ARFGEF1: variants seen among roughly 807,000 people sequenced by gnomAD.
ARFGEF1 encodes the protein brefeldin A-inhibited guanine nucleotide-exchange protein 1.
In ARFGEF1, 42 loss-of-function variants were observed where a neutral mutation model predicts 231.0. The ratio of observed to expected loss-of-function variants is 0.18; its 90% CI spans 0.14 to 0.24. ARFGEF1 has a LOEUF of 0.24. Ranked by LOEUF, ARFGEF1 falls within the 10% of genes least tolerant of loss-of-function variation. The pLI is 1.00. For missense variants in ARFGEF1, 1,345 were observed against 2,192.0 expected (o/e 0.61, Z 7.72); for synonymous variants, 710 against 732.3 (o/e 0.97, Z 0.49).
rs763622698 is a variant in ARFGEF1 at position 67,216,627 on chromosome 8, G to A, written c.4649C>T (p.Ala1550Val). 2.2e-5 allele frequency: 35 copies of A among 1,607,474 alleles called. No individual in the cohort carries two copies. Among genetic ancestry groups the A allele is most frequent in the Admixed American group, 5.1e-5 (3 of 58,294 alleles). ...ACTTACAGGAGATGGAGGTGGGGGGGCAGTTTCTCCAGAATTGGGTCGCCA... is the reference window on the plus strand; with the variant it reads ...ACTTACAGGAGATGGAGGTGGGGGGACAGTTTCTCCAGAATTGGGTCGCCA... ...LTWRPNSGET[A>V]PPPPSPVSEK... The change falls in exon 33 of 39, where the codon GCC (alanine) becomes GTC (valine). Residue 1550 changes from alanine to valine, a missense_variant. Ala to Val is a moderately conservative substitution (Grantham distance 64, BLOSUM62 0). This residue lies in a region of ARFGEF1 where 89 missense variants were observed against 74.8 expected (regional missense o/e 1.19). Coordinates refer to ENST00000262215, the MANE Select transcript of ARFGEF1 (RefSeq NM_006421.5).
Position 67,248,549 on chromosome 8 carries a change from T to C in ARFGEF1, c.2850+2750A>G, listed in dbSNP as rs566945965. On this transcript the variant is annotated intron_variant, in intron 19 of 38. Transcript: ENST00000262215. ...ACTATGAAACTACCGTAAGAAAACA[T>C]TGAGGATTCTCTAGGACATTAAGCT... Among the ~76,000 whole-genome samples the C allele has an allele frequency of 9.3e-5, 14 of 150,554 alleles. 2 individuals are homozygous for C. The highest frequency in any genetic ancestry group is 3.2e-4 in the African/African-American group (13 of 40,402).
chr8:67,248,829 C>T lies in ARFGEF1; in HGVS notation c.2850+2470G>A, dbSNP rs185204896. 8.7e-4 allele frequency among the ~76,000 whole-genome samples: 131 copies of T among 150,606 alleles called. 6 individuals carry two copies. Among genetic ancestry groups the T allele is most frequent in the Middle Eastern group, 6.8e-3 (2 of 294 alleles). Reference sequence around the variant, plus strand: ...AAACAATTTAGGACGGTCATGCCTGCTTACAGGTGTTGTCTGTTGAAACTA... The same window carrying T: ...AAACAATTTAGGACGGTCATGCCTGTTTACAGGTGTTGTCTGTTGAAACTA... On this transcript the variant is annotated intron_variant, in intron 19 of 38. Coordinates refer to ENST00000262215, the MANE Select transcript of ARFGEF1 (RefSeq NM_006421.5).
At chr8:67,297,521 A>G (rs549401979) in intron 4 of ARFGEF1, among the ~76,000 whole-genome samples, 1 of 152,330 alleles carries the variant, frequency 6.6e-6, no homozygotes, top group South Asian at 2.1e-4. Flanking sequence ...TCAAGACTCC[A>G]GTGAGCTGTG....
intron 1 of ARFGEF1, among the ~76,000 whole-genome samples, chr8:67,302,993 G>T (rs183677237): frequency 1.3e-5 from 2 of 151,850 alleles, no homozygotes; most frequent in African/African-American, 4.8e-5. Flanking sequence ...GGGGCAGGGG[G>T]TTGAGGTGGG....
At chr8:67,239,258 G>A (rs1465997966) in intron 20 of ARFGEF1, among the ~76,000 whole-genome samples, 2 of 151,656 alleles carry the variant, frequency 1.3e-5, no homozygotes, top group East Asian at 1.9e-4. Context: ...TGCCCGCCTC[G>A]ACCTCCCAAA....
At chr8:67,228,743 TCA>T (rs940263690) in intron 23 of ARFGEF1, among the ~76,000 whole-genome samples, 3 of 152,076 alleles carry the variant, frequency 2.0e-5, no homozygotes, top group African/African-American at 4.8e-5. Context: ...GCAAATAGTC[TCA>T]GTTTACCCAA....
At position 67,210,203 on chromosome 8, in the gene ARFGEF1, C is replaced by A. The variant is rs142869526; in HGVS notation, c.4819+1280G>T. ...AAACAATAGGGTGCTCCTGGACAGA[C>A]GTCGTGGCACAAGCCTGTAATCCAA... On this transcript the variant is annotated intron_variant, in intron 34 of 38. Coordinates refer to ENST00000262215, the MANE Select transcript of ARFGEF1 (RefSeq NM_006421.5). Among the ~76,000 whole-genome samples the A allele has an allele frequency of 2.6e-3, 375 of 144,482 alleles. 2 individuals are homozygous for A. The highest frequency in any genetic ancestry group is 9.3e-3 in the African/African-American group (359 of 38,722). 94.8% of individuals were successfully genotyped at this position (144,482 alleles called of 152,430 possible).
chr8:67,305,515 T>C (rs1425316318), intron 1 of ARFGEF1, among the ~76,000 whole-genome samples: 2 of 152,118 alleles, frequency 1.3e-5, no homozygotes, highest in Non-Finnish European at 1.5e-5. Context: ...ACCTAGTTAA[T>C]TTTGTATTTT....
In ARFGEF1 at chr8:67,240,287, C is replaced by A. The variant is rs1308583743; in HGVS notation, c.2854G>T (p.Ala952Ser). Reference protein sequence around the residue: ...LEHVRPMFKLAWTPFLAAFSV... With the variant: ...LEHVRPMFKLSWTPFLAAFSV... ...AATGCAGCCAGAAAAGGCGTCCAAGCCAACTACAAAAATTAAAAATTGTAT... is the reference window on the plus strand; with the variant it reads ...AATGCAGCCAGAAAAGGCGTCCAAGACAACTACAAAAATTAAAAATTGTAT... The change falls in exon 20 of 39, where the codon GCT (alanine) becomes TCT (serine). Residue 952 changes from alanine to serine, a missense_variant. This residue lies in a region of ARFGEF1 where 146 missense variants were observed against 321.4 expected (regional missense o/e 0.45). Coordinates refer to ENST00000262215, the MANE Select transcript of ARFGEF1 (RefSeq NM_006421.5). 6.3e-7 allele frequency: 1 copy of A among 1,588,432 alleles called. No individual in the cohort carries two copies. Among genetic ancestry groups the A allele is most frequent in the Non-Finnish European group, 8.5e-7 (1 of 1,173,430 alleles).
At chr8:67,263,150 T>G (rs991306255) in intron 14 of ARFGEF1, among the ~76,000 whole-genome samples, 8 of 152,208 alleles carry the variant, frequency 5.3e-5, no homozygotes, top group Non-Finnish European at 1.0e-4. Context: ...TTTTAGAGTC[T>G]ATTTCCTCTG....
At chr8:67,240,126 T>G in intron 20 of ARFGEF1, 36 bp downstream of exon 20, 2 of 1,600,596 alleles carry the variant, frequency 1.2e-6, no homozygotes, top group Non-Finnish European at 1.7e-6. Flanking sequence ...GTAATTAATG[T>G]TCCAAACTGG....
chr8:67,241,685 C>T lies in ARFGEF1; in HGVS notation c.2851-1395G>A, dbSNP rs184735676. Among the ~76,000 whole-genome samples the T allele has an allele frequency of 1.3e-3, 205 of 152,156 alleles. 2 individuals are homozygous for T. Among genetic ancestry groups the T allele is most frequent in the African/African-American group, 4.8e-3 (198 of 41,506 alleles). ...AAAAAGAGAGCTCCACCAATCATCCCCCATGCAGGAACACCAAATTTAACA... is the reference window on the plus strand; with the variant it reads ...AAAAAGAGAGCTCCACCAATCATCCTCCATGCAGGAACACCAAATTTAACA... On this transcript the variant is annotated intron_variant, in intron 19 of 38. Coordinates refer to ENST00000262215, the MANE Select transcript of ARFGEF1 (RefSeq NM_006421.5).
chr8:67,234,412 C>T (rs180758288), intron 22 of ARFGEF1, among the ~76,000 whole-genome samples: 1 of 152,220 alleles, frequency 6.6e-6, no homozygotes, highest in East Asian at 1.9e-4. Flanking sequence ...AAAGGCTTCA[C>T]ATATGATGAA....
intron 1 of ARFGEF1, among the ~76,000 whole-genome samples, chr8:67,336,666 T>C (rs1183786821): frequency 6.6e-6 from 1 of 152,142 alleles, no homozygotes; most frequent in Admixed American, 6.5e-5. Flanking sequence ...CCCTTCCTCT[T>C]CCTTAAAAGG....
At chr8:67,274,226 C>A (rs937793790) in intron 9 of ARFGEF1, among the ~76,000 whole-genome samples, 4 of 151,236 alleles carry the variant, frequency 2.6e-5, no homozygotes, top group Non-Finnish European at 4.4e-5. Flanking sequence ...GCTTCAAGAA[C>A]ATTTCCTGGA....
chr8:67,215,147 G>C (rs1173919514), intron 33 of ARFGEF1, among the ~76,000 whole-genome samples: 1 of 152,106 alleles, frequency 6.6e-6, no homozygotes. Flanking sequence ...AGGTTCACAG[G>C]TCCACAGATG....
intron 6 of ARFGEF1, among the ~76,000 whole-genome samples, chr8:67,288,710 G>A (rs1805866981): frequency 6.6e-6 from 1 of 152,014 alleles, no homozygotes; most frequent in Admixed American, 6.6e-5. Context: ...TCCACCCTGG[G>A]TGACAGAGCA....
rs1453859318 is a variant in ARFGEF1 at position 67,343,255 on chromosome 8, G to A, written c.33C>T (p.Phe11=). Residue 11 remains phenylalanine, a synonymous_variant, in exon 1 of 39, where the codon TTC becomes TTT. Coordinates refer to ENST00000262215, the MANE Select transcript of ARFGEF1 (RefSeq NM_006421.5). MYEGKKTKNM[F]LTRALEKILA... ...ATATCTTCTCCAGAGCCCGGGTCAGGAACATGTTCTTCGTCTTCTTCCCCT... is the reference window on the plus strand; with the variant it reads ...ATATCTTCTCCAGAGCCCGGGTCAGAAACATGTTCTTCGTCTTCTTCCCCT... 2 of 1,613,950 alleles carry A rather than the reference G, an allele frequency of 1.2e-6. No individual in the cohort carries two copies. The highest frequency in any genetic ancestry group is 2.2e-5 in the East Asian group (1 of 44,868).
intron 10 of ARFGEF1, among the ~76,000 whole-genome samples, chr8:67,271,298 AAAATGCCTAATACTTAC>A (rs1805089104): frequency 6.6e-6 from 1 of 152,192 alleles, no homozygotes; most frequent in African/African-American, 2.4e-5. Context: ...CACATCTTTT[AAAATGCCTAATACTTAC>A]AAATGGTTTA....
Sources: gnomAD v4.1 joint callset for allele counts (sites outside exome capture counted in the v4.1 genomes callset) on GRCh38, gnomAD v4.1.1 for gene constraint, gnomAD v4.1.1 regional missense constraint, MANE v1.5 for transcripts, NCBI Gene and HGNC (gene_info 2026-07-23, HGNC 2026-07-21) for gene names.